PVT1: variants seen among roughly 807,000 people sequenced by gnomAD.
The protein encoded by PVT1 is Pvt1 oncogene.
intron 2 of PVT1, among the ~76,000 whole-genome samples, chr8:127,843,321 C>A (rs150095431): frequency 7.9e-5 from 12 of 152,046 alleles, no homozygotes; most frequent in African/African-American, 2.9e-4. Context: ...CTCCAGCTTG[C>A]GCAACAGAGC....
intron 3 of PVT1, among the ~76,000 whole-genome samples, chr8:127,962,796 CG>C (rs1236899496): frequency 3.9e-5 from 6 of 151,958 alleles, no homozygotes; most frequent in Non-Finnish European, 7.4e-5. Flanking sequence ...GGGGTTTCAC[CG>C]TGTTGGCCAG....
At chr8:127,906,851 A>G (rs553596960) in intron 3 of PVT1, among the ~76,000 whole-genome samples, 13 of 152,070 alleles carry the variant, frequency 8.5e-5, no homozygotes, top group Admixed American at 2.6e-4. Context: ...TGTAAATGTC[A>G]TATCACCTTC....
chr8:127,874,288 G>A (rs138923271), intron 2 of PVT1, among the ~76,000 whole-genome samples: 200 of 152,298 alleles, frequency 1.3e-3, no homozygotes, highest in African/African-American at 4.7e-3. Context: ...AGGGGTTAAT[G>A]AGAAGATTGG....
At chr8:127,953,054 G>A (rs1227941484) in intron 3 of PVT1, among the ~76,000 whole-genome samples, 1 of 152,226 alleles carries the variant, frequency 6.6e-6, no homozygotes, top group Non-Finnish European at 1.5e-5. Context: ...GTGAGCCACC[G>A]CGTCCGGCCC....
chr8:127,795,459 C>T (rs1426150643), intron 1 of PVT1, among the ~76,000 whole-genome samples: 3 of 152,150 alleles, frequency 2.0e-5, no homozygotes, highest in Non-Finnish European at 1.5e-5. Flanking sequence ...TTCATCTAAG[C>T]TCCTGACTTT....
intron 4 of PVT1, among the ~76,000 whole-genome samples, chr8:128,017,700 G>A (rs1817389602): frequency 6.6e-6 from 1 of 151,862 alleles, no homozygotes; most frequent in South Asian, 2.1e-4. Flanking sequence ...GCCTCCCAAA[G>A]TGCTGGAATT....
intron 4 of PVT1, among the ~76,000 whole-genome samples, chr8:128,057,650 G>A (rs867569976): frequency 1.3e-5 from 2 of 152,172 alleles, no homozygotes; most frequent in African/African-American, 4.8e-5. Flanking sequence ...GCCTGTCTCT[G>A]TTCAGCCTTT....
chr8:127,824,677 A>G lies in PVT1; in HGVS notation n.372+28606A>G, dbSNP rs549948884. 1.2e-4 allele frequency among the ~76,000 whole-genome samples: 19 copies of G among 152,058 alleles called. 1 individual carries two copies. In the South Asian group the frequency reaches 3.5e-3, roughly 28 times the overall value. On this transcript the variant is annotated intron_variant and non_coding_transcript_variant, in intron 2 of 10. Transcript: ENST00000651587. ...CATGTAATGTCAACAAGTTTATTGGATTTTTCTCCTAATGTAGTATTAGTA... is the reference window on the plus strand; with the variant it reads ...CATGTAATGTCAACAAGTTTATTGGGTTTTTCTCCTAATGTAGTATTAGTA...
At chr8:127,974,634 T>C (rs943800291) in intron 3 of PVT1, among the ~76,000 whole-genome samples, 1 of 151,984 alleles carries the variant, frequency 6.6e-6, no homozygotes, top group Non-Finnish European at 1.5e-5. Flanking sequence ...CAGGCTAGTC[T>C]CAAATTCATG....
At chr8:127,804,375 C>G (rs896789028) in intron 2 of PVT1, among the ~76,000 whole-genome samples, 2 of 152,122 alleles carry the variant, frequency 1.3e-5, no homozygotes, top group African/African-American at 4.8e-5. Flanking sequence ...TTGGGCCTCA[C>G]TCCTAGGCTG....
At chr8:128,033,349 G>A (rs893540399) in intron 4 of PVT1, among the ~76,000 whole-genome samples, 18 of 152,176 alleles carry the variant, frequency 1.2e-4, no homozygotes, top group Admixed American at 1.2e-3. Context: ...ATGTGTGTGT[G>A]TGAACCCAAA....
intron 3 of PVT1, among the ~76,000 whole-genome samples, chr8:127,905,250 C>T (rs2129832615): frequency 6.6e-6 from 1 of 152,210 alleles, no homozygotes; most frequent in Admixed American, 6.5e-5. Flanking sequence ...AGCATGCCTT[C>T]TCTCTCCCAC....
intron 3 of PVT1, chr8:127,939,449 C>T (rs1199632921): frequency 6.6e-6 from 1 of 152,254 alleles, no homozygotes; most frequent in Non-Finnish European, 1.5e-5. Flanking sequence ...CAGTGCTGTG[C>T]TCTGTGAGGA....
At chr8:127,994,648 A>C (rs1266052422) in intron 4 of PVT1, among the ~76,000 whole-genome samples, 1 of 152,218 alleles carries the variant, frequency 6.6e-6, no homozygotes, top group Non-Finnish European at 1.5e-5. Flanking sequence ...GTATTGGCTC[A>C]TGCAATTATG....
chr8:127,910,080 C>T (rs1815873758), intron 3 of PVT1, among the ~76,000 whole-genome samples: 1 of 151,908 alleles, frequency 6.6e-6, no homozygotes. Context: ...CAGGGAAGGG[C>T]CTCTGCACAC....
At chr8:128,067,773 G>A (rs938684565) in intron 4 of PVT1, among the ~76,000 whole-genome samples, 1 of 152,152 alleles carries the variant, frequency 6.6e-6, no homozygotes, top group Admixed American at 6.5e-5. Context: ...GAGGAGTGAT[G>A]TGGGGCCTCC....
At chr8:127,806,062 A>T (rs7841347) in intron 2 of PVT1, among the ~76,000 whole-genome samples, 1 of 151,994 alleles carries the variant, frequency 6.6e-6, no homozygotes, top group Admixed American at 6.6e-5. Flanking sequence ...ACATTACAAA[A>T]CACTAATATC....
intron 4 of PVT1, among the ~76,000 whole-genome samples, chr8:128,056,661 C>T (rs141155130): frequency 7.4e-4 from 112 of 152,268 alleles, no homozygotes; most frequent in African/African-American, 2.6e-3. Flanking sequence ...GAATGGTTGC[C>T]AAGACTGCCC....
At chr8:127,932,147 G>A (rs1465059938) in intron 3 of PVT1, among the ~76,000 whole-genome samples, 4 of 152,212 alleles carry the variant, frequency 2.6e-5, no homozygotes, top group African/African-American at 2.4e-5. Context: ...CCTCTTTGCT[G>A]GGAATGCCGT....
Sources: allele counts gnomAD v4.1 joint callset (sites outside exome capture counted in the v4.1 genomes callset), GRCh38; gene constraint gnomAD v4.1.1; transcripts MANE v1.5; gene names NCBI Gene and HGNC (gene_info 2026-07-23, HGNC 2026-07-21).